C16orf78: variants seen among roughly 807,000 people sequenced by gnomAD.
C16orf78 encodes uncharacterized protein C16orf78.
C16orf78 carries 19 observed loss-of-function variants against 27.3 expected under a neutral mutation model. The observed-to-expected ratio is 0.70, with a 90% CI of 0.49 to 1.02. C16orf78 has a LOEUF of 1.02. Ranked by LOEUF, C16orf78 falls within the 50% of genes least tolerant of loss-of-function variation. The pLI, the probability that C16orf78 is intolerant of heterozygous loss-of-function variation, is 0.00. For missense variants in C16orf78, 339 were observed against 337.0 expected, an observed-to-expected ratio of 1.01 and a Z score of -0.05; for synonymous variants, 130 against 116.1, an observed-to-expected ratio of 1.12 and a Z score of -0.77.
chr16:49,395,106 C>T (rs1349921833), intron 3 of C16orf78, among the ~76,000 whole-genome samples: 1 of 152,078 alleles, frequency 6.6e-6, no homozygotes. Flanking sequence ...CCATGTTGCC[C>T]AGGCTGATCT....
At chr16:49,394,543 A>G (rs1472504232) in intron 3 of C16orf78, among the ~76,000 whole-genome samples, 1 of 152,062 alleles carries the variant, frequency 6.6e-6, no homozygotes, top group Non-Finnish European at 1.5e-5. Flanking sequence ...TCAACCAGGG[A>G]TAAAACCACT....
intron 1 of C16orf78, among the ~76,000 whole-genome samples, chr16:49,374,529 G>T (rs1427509151): frequency 6.6e-6 from 1 of 152,220 alleles, no homozygotes. Context: ...TCATCAGGAA[G>T]AAACCTGTCT....
rs939773416 is a variant in C16orf78 at position 49,386,770 on chromosome 16, A to G, written c.394+8177A>G. On this transcript the variant is annotated intron_variant, in intron 3 of 4. Transcript: ENST00000299191. ...TGCTCCATCCATGTTCTTGCAAAGA[A>G]TATGGTCTTGTTCTTTTTATGGCTG... Among the ~76,000 whole-genome samples the G allele has an allele frequency of 2.0e-5, 3 of 152,184 alleles. No homozygotes were observed. The South Asian group carries it at 6.2e-4, about 31-fold the overall frequency.
chr16:49,395,506 G>T (rs72776785), intron 3 of C16orf78, among the ~76,000 whole-genome samples: 1 of 151,730 alleles, frequency 6.6e-6, no homozygotes, highest in Non-Finnish European at 1.5e-5. Flanking sequence ...GCAGATTTTA[G>T]GTGTGGCCCA....
At chr16:49,375,186 A>G (rs902405147) in intron 1 of C16orf78, among the ~76,000 whole-genome samples, 1 of 152,182 alleles carries the variant, frequency 6.6e-6, no homozygotes, top group Admixed American at 6.5e-5. Context: ...AGGTTTTCCA[A>G]TTCCCAAATG....
chr16:49,390,166 T>C (rs1487784214), intron 3 of C16orf78, among the ~76,000 whole-genome samples: 1 of 152,222 alleles, frequency 6.6e-6, no homozygotes, highest in Non-Finnish European at 1.5e-5. Flanking sequence ...CTCTGGCTTC[T>C]AAGATTTTCT....
chr16:49,394,859 T>G (rs149331), intron 3 of C16orf78, among the ~76,000 whole-genome samples: 46,941 of 151,960 alleles, frequency 0.31, 10,490 homozygotes, highest in African/African-American at 0.64. Flanking sequence ...TATAGTTTTT[T>G]GTTTGCTTGT....
At chr16:49,392,082 G>T (rs911688649) in intron 3 of C16orf78, among the ~76,000 whole-genome samples, 5 of 152,168 alleles carry the variant, frequency 3.3e-5, no homozygotes, top group African/African-American at 7.2e-5. Context: ...ATTGCAGGAG[G>T]TCTAGACGCA....
intron 3 of C16orf78, among the ~76,000 whole-genome samples, chr16:49,386,389 G>A (rs575729027): frequency 1.3e-5 from 2 of 152,250 alleles, no homozygotes; most frequent in African/African-American, 4.8e-5. Context: ...TCAAAATACA[G>A]ATTCTTCTCA....
chr16:49,375,950 A>C (rs1420700439), intron 1 of C16orf78, among the ~76,000 whole-genome samples: 2 of 152,238 alleles, frequency 1.3e-5, no homozygotes, highest in African/African-American at 4.8e-5. Flanking sequence ...CTTTACCTTA[A>C]ATGTGGCTTT....
intron 2 of C16orf78, 133 bp from the exon 3 acceptor site, chr16:49,378,337 G>C: frequency 7.4e-7 from 1 of 1,342,494 alleles, no homozygotes. Flanking sequence ...CCAGGGCCCG[G>C]GGAAGCTCTC....
chr16:49,382,847 T>C (rs1567391473), intron 3 of C16orf78, among the ~76,000 whole-genome samples: 1 of 152,210 alleles, frequency 6.6e-6, no homozygotes, highest in Non-Finnish European at 1.5e-5. Context: ...CACTTTCCCA[T>C]TGGCTTTTTA....
Position 49,374,996 on chromosome 16 carries a change from T to C in C16orf78, c.150+907T>C, listed in dbSNP as rs893519839. Among the ~76,000 whole-genome samples, 7 of 152,246 alleles carry C rather than the reference T, an allele frequency of 4.6e-5. 1 individual carries two copies. Among genetic ancestry groups the C allele is most frequent in the African/African-American group, 1.7e-4 (7 of 41,470 alleles). On this transcript the variant is annotated intron_variant, in intron 1 of 4. Transcript: ENST00000299191. Reference sequence around the variant, plus strand: ...TGCTCAACACATCACTAACTTTTAATGTTTACTGTGGTCAAGGCCCTGTGC... The same window carrying C: ...TGCTCAACACATCACTAACTTTTAACGTTTACTGTGGTCAAGGCCCTGTGC...
Position 49,380,744 on chromosome 16 carries a change from T to G in C16orf78, c.394+2151T>G, listed in dbSNP as rs1247375493. Among the ~76,000 whole-genome samples, 4 of 152,196 alleles carry G rather than the reference T, an allele frequency of 2.6e-5. No individual in the cohort carries two copies. In the East Asian group the frequency reaches 7.7e-4, roughly 29 times the overall value. ...CTGAATGGTAATGCCTAAGTTTTCT[T>G]CTAGGGTTTTTATGGTTTTAGGTCT... On this transcript the variant is annotated intron_variant, in intron 3 of 4. Transcript: ENST00000299191.
At chr16:49,379,582 C>T (rs1036737194) in intron 3 of C16orf78, among the ~76,000 whole-genome samples, 1 of 152,042 alleles carries the variant, frequency 6.6e-6, no homozygotes, top group African/African-American at 2.4e-5. Flanking sequence ...ATGCAGTCGG[C>T]TTTCAGTGCA....
chr16:49,377,707 G>A (rs376683247), intron 1 of C16orf78, 24 bp from the exon 2 acceptor site: 1 of 1,597,102 alleles, frequency 6.3e-7, no homozygotes, highest in Non-Finnish European at 8.5e-7. Flanking sequence ...GTGGCTGCAG[G>A]GCTCTCTTCC....
intron 3 of C16orf78, 83 bp from the exon 4 acceptor site, chr16:49,396,340 T>A: frequency 6.7e-7 from 1 of 1,490,186 alleles, no homozygotes; most frequent in Non-Finnish European, 9.2e-7. Flanking sequence ...CATGCATTCC[T>A]CCAGCCTTCA....
At chr16:49,387,989 C>A (rs1201751643) in intron 3 of C16orf78, among the ~76,000 whole-genome samples, 2 of 151,800 alleles carry the variant, frequency 1.3e-5, no homozygotes, top group African/African-American at 2.4e-5. Context: ...TTTATTAATT[C>A]TTTCAAAAAA....
intron 3 of C16orf78, among the ~76,000 whole-genome samples, chr16:49,383,499 C>T (rs2151612490): frequency 6.6e-6 from 1 of 152,298 alleles, no homozygotes; most frequent in South Asian, 2.1e-4. Flanking sequence ...ACCACTTCTG[C>T]CTCACTCTCC....
Sources: allele counts gnomAD v4.1 joint callset (sites outside exome capture counted in the v4.1 genomes callset), GRCh38; gene constraint gnomAD v4.1.1; transcripts MANE v1.5; gene names NCBI Gene and HGNC (gene_info 2026-07-23, HGNC 2026-07-21).